KIAA1549L: variants seen among roughly 807,000 people sequenced by gnomAD.
The protein encoded by KIAA1549L is KIAA1549 like.
KIAA1549L carries 88 observed loss-of-function variants against 160.7 expected under a neutral mutation model. The ratio of observed to expected loss-of-function variants is 0.55; its 90% CI spans 0.46 to 0.65. The LOEUF (loss-of-function observed/expected upper bound fraction) is 0.65. KIAA1549L is among the 30% of genes least tolerant of loss of function. KIAA1549L has a pLI of 0.00. For missense variants in KIAA1549L, 2,258 were observed against 2,437.5 expected (o/e 0.93, Z 1.55); for synonymous variants, 950 against 976.7 (o/e 0.97, Z 0.51).
intron 1 of KIAA1549L, among the ~76,000 whole-genome samples, chr11:33,408,637 G>A (rs1850721370): frequency 2.0e-5 from 3 of 151,400 alleles, no homozygotes; most frequent in Admixed American, 6.6e-5. Context: ...CATGTCCAAA[G>A]TGATATAGAC....
intron 17 of KIAA1549L, among the ~76,000 whole-genome samples, chr11:33,649,136 C>T (rs1023847555): frequency 6.6e-6 from 1 of 152,076 alleles, no homozygotes; most frequent in Non-Finnish European, 1.5e-5. Context: ...CTCTTTCTAC[C>T]CGCTGGGTGA....
chr11:33,538,341 G>A (rs149901902), intron 1 of KIAA1549L, among the ~76,000 whole-genome samples: 29 of 152,318 alleles, frequency 1.9e-4, no homozygotes, highest in African/African-American at 7.0e-4. Flanking sequence ...TGCTTTTTCA[G>A]TCATGAAGTT....
intron 16 of KIAA1549L, among the ~76,000 whole-genome samples, chr11:33,631,160 A>G (rs1006075377): frequency 2.0e-5 from 3 of 151,742 alleles, no homozygotes; most frequent in Admixed American, 1.3e-4. Flanking sequence ...TAAAACACAC[A>G]CTCTTGTTCA....
At chr11:33,414,077 G>A (rs1189226418) in intron 1 of KIAA1549L, among the ~76,000 whole-genome samples, 2 of 152,200 alleles carry the variant, frequency 1.3e-5, no homozygotes, top group Non-Finnish European at 2.9e-5. Context: ...CAAAGCATCT[G>A]TGACATCATT....
chr11:33,453,037 T>C (rs922145346), intron 1 of KIAA1549L, among the ~76,000 whole-genome samples: 7 of 152,238 alleles, frequency 4.6e-5, no homozygotes, highest in African/African-American at 1.7e-4. Context: ...ACTTAGACTT[T>C]TAAGATTCTT....
intron 3 of KIAA1549L, among the ~76,000 whole-genome samples, chr11:33,545,717 A>G (rs187840655): frequency 2.0e-5 from 3 of 152,358 alleles, no homozygotes; most frequent in Non-Finnish European, 2.9e-5. Context: ...CTGATGTGGC[A>G]TGGATTCTAG....
At chr11:33,580,402 C>A (rs755479984) in intron 10 of KIAA1549L, among the ~76,000 whole-genome samples, 1 of 151,592 alleles carries the variant, frequency 6.6e-6, no homozygotes, top group African/African-American at 2.4e-5. Context: ...GGAGAAACCC[C>A]GTCTCTACTA....
intron 16 of KIAA1549L, among the ~76,000 whole-genome samples, chr11:33,639,615 C>A (rs918713499): frequency 6.6e-6 from 1 of 152,184 alleles, no homozygotes; most frequent in Admixed American, 6.5e-5. Flanking sequence ...TCTTGGTTCA[C>A]TGCAACCTCC....
chr11:33,530,291 A>G (rs1370781901), intron 1 of KIAA1549L, among the ~76,000 whole-genome samples: 15 of 150,256 alleles, frequency 1.0e-4, no homozygotes, highest in Admixed American at 1.0e-3. Context: ...AGTCCCCGCT[A>G]CTCAGGAGGC....
intron 1 of KIAA1549L, among the ~76,000 whole-genome samples, chr11:33,513,661 C>G (rs1041798713): frequency 1.3e-5 from 2 of 152,198 alleles, no homozygotes; most frequent in Non-Finnish European, 2.9e-5. Flanking sequence ...GTCCCCTACA[C>G]AACTAGCCGC....
chr11:33,416,414 G>A (rs1293442367), intron 1 of KIAA1549L, among the ~76,000 whole-genome samples: 1 of 151,080 alleles, frequency 6.6e-6, no homozygotes, highest in Non-Finnish European at 1.5e-5. Context: ...TTATGTAGTC[G>A]GCTCTTCATA....
In KIAA1549L at chr11:33,627,623, G is replaced by C. The variant is rs7108069; in HGVS notation, c.5409+8961G>C. Among the ~76,000 whole-genome samples, 1,495 of 152,114 alleles carry C rather than the reference G, an allele frequency of 9.8e-3. 31 individuals carry two copies. The highest frequency in any genetic ancestry group is 0.034 in the African/African-American group (1,404 of 41,498). On this transcript the variant is annotated intron_variant, in intron 16 of 20. Transcript: ENST00000658780. ...GTGATATCCCCTTTATCATTTTTTA[G>C]TGTGTCTATTTGATTCTTCTCTTTT...
intron 11 of KIAA1549L, among the ~76,000 whole-genome samples, chr11:33,589,641 C>T (rs2133283506): frequency 6.6e-6 from 1 of 152,162 alleles, no homozygotes; most frequent in South Asian, 2.1e-4. Flanking sequence ...AACCATCATT[C>T]TCAGCAAACT....
chr11:33,504,472 T>C, intron 1 of KIAA1549L, among the ~76,000 whole-genome samples: 1 of 151,840 alleles, frequency 6.6e-6, no homozygotes, highest in African/African-American at 2.4e-5. Context: ...TTTCCCTTTC[T>C]CTTTCCTTTT....
At chr11:33,384,345 C>T (rs1850130777) in intron 1 of KIAA1549L, among the ~76,000 whole-genome samples, 1 of 152,222 alleles carries the variant, frequency 6.6e-6, no homozygotes, top group African/African-American at 2.4e-5. Context: ...TATTCCATTG[C>T]ACCACAGTTT....
At chr11:33,487,402 CTTTTTTT>C (rs112165825) in intron 1 of KIAA1549L, among the ~76,000 whole-genome samples, 21 of 85,546 alleles carry the variant, frequency 2.5e-4, no homozygotes, top group Middle Eastern at 0.016. Context: ...GTCTATTGTT[CTTTTTTT>C]TTTTTTTTTT....
intron 13 of KIAA1549L, among the ~76,000 whole-genome samples, chr11:33,604,427 A>G (rs1462997731): frequency 6.6e-6 from 1 of 152,242 alleles, no homozygotes; most frequent in Non-Finnish European, 1.5e-5. Flanking sequence ...TAGATCTACT[A>G]TTTGATCCAG....
At chr11:33,453,558 TTTCACTGG>T (rs1851764330) in intron 1 of KIAA1549L, among the ~76,000 whole-genome samples, 2 of 152,190 alleles carry the variant, frequency 1.3e-5, no homozygotes, top group Admixed American at 1.3e-4. Flanking sequence ...ATTTCTGGAA[TTTCACTGG>T]TTCATTTCTG....
Position 33,491,278 on chromosome 11 carries a change from G to T in KIAA1549L, c.239-50524G>T, listed in dbSNP as rs534455195. Among the ~76,000 whole-genome samples the T allele has an allele frequency of 2.6e-5, 4 of 152,284 alleles. No individual in the cohort carries two copies. In the South Asian group the frequency reaches 8.3e-4, roughly 32 times the overall value. On this transcript the variant is annotated intron_variant, in intron 1 of 20. Coordinates refer to ENST00000658780, the MANE Select transcript of KIAA1549L (RefSeq NM_012194.3). ...AGGGTGGTATGTGAAAACCGTGCTGGCTATCAGCAGTCACACAGGGCTTTC... is the reference window on the plus strand; with the variant it reads ...AGGGTGGTATGTGAAAACCGTGCTGTCTATCAGCAGTCACACAGGGCTTTC...
Sources: gnomAD v4.1 joint callset for allele counts (sites outside exome capture counted in the v4.1 genomes callset) on GRCh38, gnomAD v4.1.1 for gene constraint, MANE v1.5 for transcripts, NCBI Gene and HGNC (gene_info 2026-07-23, HGNC 2026-07-21) for gene names.